Variants in PTPRM observed in about 807,000 individuals in gnomAD.
PTPRM encodes the protein protein tyrosine phosphatase receptor type M.
A neutral mutation model predicts 186.7 loss-of-function variants in PTPRM; 47 were observed. The ratio of observed to expected loss-of-function variants is 0.25; its 90% CI spans 0.20 to 0.32. The LOEUF (loss-of-function observed/expected upper bound fraction) is 0.32. Ranked by LOEUF, PTPRM falls within the 10% of genes least tolerant of loss-of-function variation. The pLI, the probability that PTPRM is intolerant of heterozygous loss-of-function variation, is 1.00. For synonymous variants in PTPRM, 668 were observed against 674.9 expected, an observed-to-expected ratio of 0.99 and a Z score of 0.16; for missense variants, 1,494 against 1,865.0, an observed-to-expected ratio of 0.80 and a Z score of 3.66.
chr18:7,876,438 A>G (rs1163316545), intron 2 of PTPRM, among the ~76,000 whole-genome samples: 1 of 152,220 alleles, frequency 6.6e-6, no homozygotes, highest in Non-Finnish European at 1.5e-5. Context: ...TCCACCCTCA[A>G]GCTTGTCTTA....
chr18:7,689,249 G>T (rs2039679520), intron 1 of PTPRM, among the ~76,000 whole-genome samples: 1 of 152,210 alleles, frequency 6.6e-6, no homozygotes, highest in East Asian at 1.9e-4. Context: ...TCAATGCAGA[G>T]AAGATAAGTT....
chr18:8,204,113 A>C (rs568223192), intron 14 of PTPRM, among the ~76,000 whole-genome samples: 198 of 152,258 alleles, frequency 1.3e-3, no homozygotes, highest in Non-Finnish European at 2.4e-3. Context: ...ATCTAAACAG[A>C]GATTGCAGAC....
rs370746043 is a variant in PTPRM, at chr18:7,842,947, T to TATATATATATATATAG, written c.197-45158_197-45157insTATATATATATATAGA. ...GTGTGTGTGTATATATATATATATA[T>TATATATATATATATAG]AGAGAGAGAGAGAGAGAGAGAGAGA... On this transcript the variant is annotated intron_variant, in intron 2 of 32. Coordinates refer to ENST00000580170, the MANE Select transcript of PTPRM (RefSeq NM_001105244.2). 2.0e-3 allele frequency among the ~76,000 whole-genome samples: 226 copies of TATATATATATATATAG among 112,058 alleles called. 1 individual carries two copies. Among genetic ancestry groups the TATATATATATATATAG allele is most frequent in the African/African-American group, 8.8e-3 (210 of 23,732 alleles). The allele number at this position is 112,058 out of a possible 152,430, so 73.5% of individuals were successfully genotyped here.
intron 2 of PTPRM, among the ~76,000 whole-genome samples, chr18:7,883,609 AG>A (rs2146304252): frequency 6.6e-6 from 1 of 152,362 alleles, no homozygotes; most frequent in Admixed American, 6.5e-5. Flanking sequence ...GAGTGTGGAT[AG>A]AAACGTCACC....
chr18:7,784,792 A>C (rs776856222), intron 2 of PTPRM, among the ~76,000 whole-genome samples: 1 of 152,166 alleles, frequency 6.6e-6, no homozygotes, highest in Non-Finnish European at 1.5e-5. Flanking sequence ...TCCAGTCACC[A>C]GGGATTCAGG....
At chr18:7,945,604 T>C (rs749145048) in intron 5 of PTPRM, among the ~76,000 whole-genome samples, 2 of 152,208 alleles carry the variant, frequency 1.3e-5, no homozygotes, top group Non-Finnish European at 2.9e-5. Flanking sequence ...TATTCTGTTA[T>C]AAGCAACAGA....
chr18:7,936,706 C>T (rs759941635), intron 5 of PTPRM, among the ~76,000 whole-genome samples: 1 of 152,168 alleles, frequency 6.6e-6, no homozygotes, highest in Non-Finnish European at 1.5e-5. Context: ...GGCCTGAAGC[C>T]TGGGAGCTGT....
chr18:7,921,481 T>C (rs1283778714), intron 4 of PTPRM, among the ~76,000 whole-genome samples: 12 of 151,182 alleles, frequency 7.9e-5, no homozygotes, highest in Non-Finnish European at 1.8e-4. Flanking sequence ...CCCGGGTACA[T>C]GCCATTCTCC....
intron 1 of PTPRM, among the ~76,000 whole-genome samples, chr18:7,715,160 C>CA (rs2040299549): frequency 6.6e-6 from 1 of 152,146 alleles, no homozygotes; most frequent in Non-Finnish European, 1.5e-5. Flanking sequence ...TCAACCACCA[C>CA]AATCAAGTCA....
At chr18:7,845,156 C>A (rs2046531048) in intron 2 of PTPRM, among the ~76,000 whole-genome samples, 1 of 152,100 alleles carries the variant, frequency 6.6e-6, no homozygotes, top group Non-Finnish European at 1.5e-5. Context: ...GTACCCTCAG[C>A]TTTTAAGAGT....
At chr18:7,725,873 G>A (rs561403866) in intron 1 of PTPRM, among the ~76,000 whole-genome samples, 1 of 152,318 alleles carries the variant, frequency 6.6e-6, no homozygotes, top group African/African-American at 2.4e-5. Context: ...GGTGCCACAA[G>A]TGTGGGTGCA....
chr18:7,904,047 T>C (rs569253206), intron 3 of PTPRM, among the ~76,000 whole-genome samples: 113 of 152,300 alleles, frequency 7.4e-4, no homozygotes, highest in African/African-American at 2.6e-3. Flanking sequence ...TTCTTGATTT[T>C]TCGTATGAAC....
intron 20 of PTPRM, among the ~76,000 whole-genome samples, chr18:8,305,724 C>G (rs2095214319): frequency 1.3e-5 from 2 of 152,130 alleles, no homozygotes; most frequent in Non-Finnish European, 2.9e-5. Context: ...AAACATTTCT[C>G]CTGTTTCCTT....
At chr18:8,200,269 T>C (rs1329859610) in intron 14 of PTPRM, among the ~76,000 whole-genome samples, 1 of 147,374 alleles carries the variant, frequency 6.8e-6, no homozygotes, top group Non-Finnish European at 1.5e-5. Flanking sequence ...ATCCCATCGC[T>C]GTGCCCCCAC....
chr18:7,819,760 G>A (rs1598880255), intron 2 of PTPRM, among the ~76,000 whole-genome samples: 1 of 152,196 alleles, frequency 6.6e-6, no homozygotes, highest in African/African-American at 2.4e-5. Context: ...CTGCTGTGGA[G>A]TCAGAACCCC....
At chr18:7,758,056 C>T (rs577911454) in intron 1 of PTPRM, among the ~76,000 whole-genome samples, 1 of 152,162 alleles carries the variant, frequency 6.6e-6, no homozygotes, top group Non-Finnish European at 1.5e-5. Context: ...ACCTCACTCC[C>T]AACAATTCTG....
intron 3 of PTPRM, among the ~76,000 whole-genome samples, chr18:7,892,001 C>G (rs80003197): frequency 0.068 from 10,304 of 152,214 alleles, 381 homozygotes; most frequent in Middle Eastern, 0.12. Context: ...TTTGGAGGAG[C>G]CTTTCCCAAA....
rs993434836 is a variant in PTPRM at position 7,897,354 on chromosome 18, T to C, written c.468+8977T>C. ...TTTGACTCCATAAATTCCTTGGCTA[T>C]GGCCCTTATTCCAAGTGCAAGACAA... On this transcript the variant is annotated intron_variant, in intron 3 of 32. Coordinates refer to ENST00000580170, the MANE Select transcript of PTPRM (RefSeq NM_001105244.2). Among the ~76,000 whole-genome samples, 5 of 152,350 alleles carry C rather than the reference T, an allele frequency of 3.3e-5. No homozygotes were observed. The South Asian group carries it at 1.0e-3, about 32-fold the overall frequency.
At chr18:7,917,247 T>C (rs1016701949) in intron 4 of PTPRM, among the ~76,000 whole-genome samples, 1 of 152,236 alleles carries the variant, frequency 6.6e-6, no homozygotes, top group Admixed American at 6.5e-5. Flanking sequence ...TTAAAAATTA[T>C]CTTTGGCCAG....
Sources: gnomAD v4.1 joint callset for allele counts (sites outside exome capture counted in the v4.1 genomes callset) on GRCh38, gnomAD v4.1.1 for gene constraint, MANE v1.5 for transcripts, NCBI Gene and HGNC (gene_info 2026-07-23, HGNC 2026-07-21) for gene names.